TNFSF4: variants seen among roughly 807,000 people sequenced by gnomAD.
TNFSF4 encodes the protein tumor necrosis factor ligand superfamily member 4.
TNFSF4 carries 4 observed loss-of-function variants against 7.3 expected under a neutral mutation model. The observed-to-expected ratio is 0.55, with a 90% CI of 0.27 to 1.25. The LOEUF (loss-of-function observed/expected upper bound fraction) is 1.25, where lower values mean the gene tolerates loss of function less well. TNFSF4 is among the 50% of genes most tolerant of loss of function. The pLI, the probability that TNFSF4 is intolerant of heterozygous loss-of-function variation, is 0.12. For missense variants in TNFSF4, 181 were observed against 208.8 expected, an observed-to-expected ratio of 0.87 and a Z score of 0.82; for synonymous variants, 76 against 83.7, an observed-to-expected ratio of 0.91 and a Z score of 0.50.
chr1:173,424,097 G>T, the TNFSF4 span, among the ~76,000 whole-genome samples: 1 of 152,186 alleles, frequency 6.6e-6, no homozygotes, highest in Non-Finnish European at 1.5e-5. Context: ...TTCCATCCAG[G>T]AAGGCTCTGC....
chr1:173,246,125 C>T, the TNFSF4 span, among the ~76,000 whole-genome samples: 2 of 152,016 alleles, frequency 1.3e-5, no homozygotes, highest in Non-Finnish European at 2.9e-5. Flanking sequence ...TTAGGGTAGT[C>T]CTATTTTTAA....
At chr1:173,396,640 C>T in the TNFSF4 span, among the ~76,000 whole-genome samples, 1 of 152,160 alleles carries the variant, frequency 6.6e-6, no homozygotes, top group African/African-American at 2.4e-5. Flanking sequence ...AGAAAGGGCT[C>T]TACATTTTTG....
the TNFSF4 span, among the ~76,000 whole-genome samples, chr1:173,225,103 C>T: frequency 6.6e-6 from 1 of 152,134 alleles, no homozygotes; most frequent in Non-Finnish European, 1.5e-5. Context: ...GTCTCATACT[C>T]CCCTTGTTAT....
rs11583523 is a variant in TNFSF4, at chr1:173,194,061, A to T, written c.154-5492T>A. 3.7e-3 allele frequency among the ~76,000 whole-genome samples: 571 copies of T among 152,346 alleles called. 2 individuals carry two copies. The highest frequency in any genetic ancestry group is 6.1e-3 in the Non-Finnish European group (418 of 68,028). ...ATTTTTACAAGTAACCAAGGTTCAGATTTAAAAATCACTGCTGTTAACTAT... is the reference window on the plus strand; with the variant it reads ...ATTTTTACAAGTAACCAAGGTTCAGTTTTAAAAATCACTGCTGTTAACTAT... On this transcript the variant is annotated intron_variant, in intron 1 of 2. Transcript: ENST00000281834.
the TNFSF4 span, among the ~76,000 whole-genome samples, chr1:173,424,375 T>G: frequency 6.6e-6 from 1 of 152,236 alleles, no homozygotes; most frequent in Non-Finnish European, 1.5e-5. Flanking sequence ...TATGCATGAC[T>G]ATCTATAACG....
the TNFSF4 span, among the ~76,000 whole-genome samples, chr1:173,356,076 T>C: frequency 0.097 from 14,760 of 152,240 alleles, 836 homozygotes; most frequent in East Asian, 0.27. Context: ...GGTAAACAGA[T>C]TGATAAAATA....
the TNFSF4 span, among the ~76,000 whole-genome samples, chr1:173,334,067 G>A: frequency 6.6e-6 from 1 of 151,906 alleles, no homozygotes; most frequent in East Asian, 1.9e-4. Flanking sequence ...AATCCTACTA[G>A]TTCTGTTTCT....
chr1:173,348,363 C>A, the TNFSF4 span, among the ~76,000 whole-genome samples: 1 of 152,202 alleles, frequency 6.6e-6, no homozygotes, highest in East Asian at 1.9e-4. Flanking sequence ...TGCCTTTTAC[C>A]TTCCACCATG....
the TNFSF4 span, among the ~76,000 whole-genome samples, chr1:173,328,580 C>G: frequency 6.6e-6 from 1 of 151,228 alleles, no homozygotes; most frequent in Non-Finnish European, 1.5e-5. Flanking sequence ...AAAAAAAACC[C>G]TAGATGATGG....
the TNFSF4 span, among the ~76,000 whole-genome samples, chr1:173,349,051 C>T: frequency 1.3e-5 from 2 of 151,950 alleles, no homozygotes; most frequent in East Asian, 1.9e-4. Flanking sequence ...TTTTTTTAGA[C>T]GGAGTCTCCC....
chr1:173,310,620 A>G, the TNFSF4 span, among the ~76,000 whole-genome samples: 1 of 151,364 alleles, frequency 6.6e-6, no homozygotes. Flanking sequence ...TCCTTTAGAT[A>G]TATTTTCTTA....
the TNFSF4 span, among the ~76,000 whole-genome samples, chr1:173,403,301 T>C: frequency 7.0e-4 from 106 of 152,286 alleles, no homozygotes; most frequent in African/African-American, 2.5e-3. Context: ...AGAAATGCCA[T>C]CTGTTATCTA....
chr1:173,409,264 G>A, the TNFSF4 span, among the ~76,000 whole-genome samples: 1 of 152,160 alleles, frequency 6.6e-6, no homozygotes, highest in African/African-American at 2.4e-5. Context: ...GGTCAAAGAG[G>A]CACAACAACC....
chr1:173,212,984 T>C, the TNFSF4 span, among the ~76,000 whole-genome samples: 3 of 152,324 alleles, frequency 2.0e-5, no homozygotes, highest in East Asian at 1.9e-4. Context: ...GAGGGCCAAA[T>C]TGAATTTGCC....
chr1:173,398,729 C>T, the TNFSF4 span, among the ~76,000 whole-genome samples: 7 of 152,054 alleles, frequency 4.6e-5, no homozygotes, highest in South Asian at 2.1e-4. Context: ...CCCAGCCCTA[C>T]GTCAGTGATA....
chr1:173,238,279 A>T, the TNFSF4 span, among the ~76,000 whole-genome samples: 1 of 152,218 alleles, frequency 6.6e-6, no homozygotes, highest in Non-Finnish European at 1.5e-5. Context: ...TAAATGCAAA[A>T]CTTAAAAATT....
the TNFSF4 span, among the ~76,000 whole-genome samples, chr1:173,326,750 G>C: frequency 6.6e-6 from 1 of 152,096 alleles, no homozygotes; most frequent in Admixed American, 6.6e-5. Flanking sequence ...CAAATCATGA[G>C]TGAACTCCCA....
the TNFSF4 span, among the ~76,000 whole-genome samples, chr1:173,407,426 C>T: frequency 1.3e-4 from 20 of 151,456 alleles, no homozygotes; most frequent in African/African-American, 4.1e-4. Flanking sequence ...CGGGTGTGGT[C>T]GCACACACCT....
chr1:173,323,317 C>G, the TNFSF4 span, among the ~76,000 whole-genome samples: 1 of 152,212 alleles, frequency 6.6e-6, no homozygotes, highest in Non-Finnish European at 1.5e-5. Flanking sequence ...AGACCTGCAG[C>G]TGAGGGTCCT....
Sources: allele counts gnomAD v4.1 joint callset (sites outside exome capture counted in the v4.1 genomes callset), GRCh38; gene constraint gnomAD v4.1.1; transcripts MANE v1.5; gene names NCBI Gene and HGNC (gene_info 2026-07-23, HGNC 2026-07-21).